Variants in CLUAP1 observed in about 807,000 individuals in gnomAD.
CLUAP1 encodes intraflagellar transport 38.
In CLUAP1, 50 loss-of-function variants were observed where a neutral mutation model predicts 55.0. That is an observed-to-expected ratio of 0.91 (90% CI 0.72 to 1.15). The LOEUF (loss-of-function observed/expected upper bound fraction) is 1.15. Among genes scored for constraint, CLUAP1 ranks in the 50% most tolerant of loss-of-function variants. The probability of loss-of-function intolerance (pLI) is 0.00; values close to 1 mark genes in which losing one functional copy is unlikely to be tolerated. For missense variants in CLUAP1, 530 were observed against 507.6 expected, an observed-to-expected ratio of 1.04 and a Z score of -0.42; for synonymous variants, 195 against 175.4, an observed-to-expected ratio of 1.11 and a Z score of -0.88.
intron 9 of CLUAP1, among the ~76,000 whole-genome samples, chr16:3,529,793 ATTATAT>A (rs2038068525): frequency 3.2e-5 from 2 of 61,998 alleles, no homozygotes; most frequent in Non-Finnish European, 5.4e-5. Flanking sequence ...TATAATATAT[ATTATAT>A]TATTATATAT....
Position 3,502,498 on chromosome 16 carries a change from G to C in CLUAP1, c.22+1409G>C, listed in dbSNP as rs1402263932. ...GATGATTGCCAATTTGGTGTGATCC[G>C]AGGGGTCTCTTAAAGCCAGTTTTCT... is the stretch of plus-strand genomic sequence containing the variant. On this transcript the variant is annotated intron_variant, in intron 1 of 11. Coordinates refer to ENST00000576634, the MANE Select transcript of CLUAP1 (RefSeq NM_015041.3). Among the ~76,000 whole-genome samples, 38 of 150,680 alleles carry C rather than the reference G, an allele frequency of 2.5e-4. 1 individual carries two copies. Among genetic ancestry groups the C allele is most frequent in the Non-Finnish European group, 5.9e-5 (4 of 67,918 alleles).
chr16:3,506,281 G>T, intron 2 of CLUAP1, 50 bp from the exon 3 acceptor site: 1 of 1,451,004 alleles, frequency 6.9e-7, no homozygotes, highest in South Asian at 1.1e-5. Flanking sequence ...CTCTTTAGTA[G>T]ACTTTCTCCT....
chr16:3,497,596 A>G (rs111837815), upstream of CLUAP1, among the ~76,000 whole-genome samples: 2,214 of 152,278 alleles, frequency 0.015, 16 homozygotes, highest in Middle Eastern at 0.031. Context: ...TTTACAGAGA[A>G]AATATTTATT....
Position 3,537,129 on chromosome 16 carries a change from A to C in CLUAP1, c.*858A>C, listed in dbSNP as rs1328721845. Reference sequence around the variant, plus strand: ...TCTAAAGGAGCTTTGTTTTGTCTAAAGTGTGGCAAGACATAGTGCACAACA... The same window carrying C: ...TCTAAAGGAGCTTTGTTTTGTCTAACGTGTGGCAAGACATAGTGCACAACA... On this transcript the variant is annotated 3_prime_UTR_variant, in exon 12 of 12. Coordinates refer to ENST00000576634, the MANE Select transcript of CLUAP1 (RefSeq NM_015041.3). 6.6e-6 allele frequency: 1 copy of C among 152,226 alleles called. No individual in the cohort carries two copies. Among genetic ancestry groups the C allele is most frequent in the East Asian group, 1.9e-4 (1 of 5,196 alleles). 9.4% of individuals were successfully genotyped at this position (152,226 alleles called of 1,614,324 possible).
intron 4 of CLUAP1, among the ~76,000 whole-genome samples, chr16:3,508,985 A>C (rs1433215461): frequency 6.6e-6 from 1 of 150,620 alleles, no homozygotes; most frequent in African/African-American, 2.5e-5. Flanking sequence ...GGCTGGGTGC[A>C]GTGACTCACT....
intron 9 of CLUAP1, among the ~76,000 whole-genome samples, chr16:3,530,230 T>C (rs2038087192): frequency 6.6e-6 from 1 of 151,934 alleles, no homozygotes; most frequent in African/African-American, 2.4e-5. Flanking sequence ...CCCAACACTG[T>C]TGCATTGGGA....
At position 3,536,405 on chromosome 16, in the gene CLUAP1, T is replaced by C. The variant is rs924092018; in HGVS notation, c.*134T>C. Reference sequence around the variant, plus strand: ...CTCATGATCACTGAAGCAATACTTATTTCTGCTTTAGCCTCCTATGTTTGC... The same window carrying C: ...CTCATGATCACTGAAGCAATACTTACTTCTGCTTTAGCCTCCTATGTTTGC... On this transcript the variant is annotated 3_prime_UTR_variant, in exon 12 of 12. Coordinates refer to ENST00000576634, the MANE Select transcript of CLUAP1 (RefSeq NM_015041.3). 2.7e-5 allele frequency: 24 copies of C among 879,880 alleles called. No homozygotes were observed. The highest frequency in any genetic ancestry group is 3.8e-5 in the Non-Finnish European group (22 of 581,984). 54.5% of individuals were successfully genotyped at this position (879,880 alleles called of 1,614,324 possible).
chr16:3,509,672 C>T (rs1255539863), intron 4 of CLUAP1, among the ~76,000 whole-genome samples: 1 of 152,186 alleles, frequency 6.6e-6, no homozygotes, highest in African/African-American at 2.4e-5. Flanking sequence ...GGGAGTGCAC[C>T]TAAGAGTGTG....
At chr16:3,496,697 C>A, upstream of CLUAP1, 1 of 531,978 alleles carries the variant, frequency 1.9e-6, no homozygotes. Flanking sequence ...CCACACCAAA[C>A]GCTATTTCCG....
rs2151057316 is a variant in CLUAP1, at chr16:3,520,037, G to T, written c.713+1G>T. The stretch of plus-strand genomic sequence containing the variant: ...GACTAGAGACTCTGCAGAGTGTCAG[G>T]TAGATATGAACACTTGGAGAATGAG... On this transcript the variant is annotated splice_donor_variant, in intron 7 of 11. Coordinates refer to ENST00000576634, the MANE Select transcript of CLUAP1 (RefSeq NM_015041.3). LOFTEE classifies it high-confidence loss of function. 6.2e-7 allele frequency: 1 copy of T among 1,605,704 alleles called. No homozygotes were observed. Among genetic ancestry groups the T allele is most frequent in the African/African-American group, 1.3e-5 (1 of 74,270 alleles).
chr16:3,510,387 G>A (rs556806698), intron 4 of CLUAP1, among the ~76,000 whole-genome samples: 20 of 151,690 alleles, frequency 1.3e-4, no homozygotes, highest in African/African-American at 4.1e-4. Context: ...TGCCTGCCTC[G>A]GCCTCCCGTA....
At chr16:3,505,894 A>G (rs190333063) in intron 2 of CLUAP1, among the ~76,000 whole-genome samples, 1 of 152,364 alleles carries the variant, frequency 6.6e-6, no homozygotes, top group East Asian at 1.9e-4. Flanking sequence ...ATGTAAAAAC[A>G]GTTCTTAGCT....
upstream of CLUAP1, chr16:3,496,551 T>G (rs878900564): frequency 3.6e-6 from 2 of 548,926 alleles, no homozygotes; most frequent in Non-Finnish European, 7.2e-6. Context: ...ATCCTCAGGG[T>G]GGGGGCCAAG....
intron 11 of CLUAP1, chr16:3,533,367 G>T: frequency 1.8e-6 from 1 of 567,378 alleles, no homozygotes; most frequent in East Asian, 2.9e-5. Context: ...GCTCAGGCCG[G>T]GCCATCCTCA....
chr16:3,510,192 C>G (rs950515017), intron 4 of CLUAP1, among the ~76,000 whole-genome samples: 8 of 152,180 alleles, frequency 5.3e-5, no homozygotes, highest in African/African-American at 1.9e-4. Context: ...CAGGGTTTCT[C>G]CATGTTGGTC....
At chr16:3,499,936 A>C (rs985999257), upstream of CLUAP1, among the ~76,000 whole-genome samples, 4 of 152,266 alleles carry the variant, frequency 2.6e-5, no homozygotes, top group African/African-American at 9.6e-5. Context: ...GGCCCTGTCC[A>C]CCTAGGCTGG....
intron 8 of CLUAP1, among the ~76,000 whole-genome samples, chr16:3,524,031 G>A (rs2037890945): frequency 6.6e-6 from 1 of 152,150 alleles, no homozygotes; most frequent in Non-Finnish European, 1.5e-5. Flanking sequence ...AGGTGCGATG[G>A]CTTATACTTG....
At chr16:3,497,641 T>C (rs1161459416), upstream of CLUAP1, among the ~76,000 whole-genome samples, 1 of 152,074 alleles carries the variant, frequency 6.6e-6, no homozygotes, top group East Asian at 1.9e-4. Flanking sequence ...TAATTTTTTC[T>C]GAGATAGGGC....
chr16:3,514,907 A>G (rs116783611), intron 5 of CLUAP1, among the ~76,000 whole-genome samples: 3 of 152,346 alleles, frequency 2.0e-5, no homozygotes, highest in Non-Finnish European at 2.9e-5. Context: ...CAGCACTGAT[A>G]TGATAGTCAC....
Sources: allele counts gnomAD v4.1 joint callset (sites outside exome capture counted in the v4.1 genomes callset), GRCh38; gene constraint gnomAD v4.1.1; transcripts MANE v1.5; gene names NCBI Gene and HGNC (gene_info 2026-07-23, HGNC 2026-07-21).